Variants in NDE1 observed in about 807,000 individuals in gnomAD.
The protein encoded by NDE1 is nuclear distribution protein nudE homolog 1.
NDE1 carries 28 observed loss-of-function variants against 43.4 expected under a neutral mutation model. The ratio of observed to expected loss-of-function variants is 0.65; its 90% CI spans 0.48 to 0.89. NDE1 has a LOEUF of 0.89. Among genes scored for constraint, NDE1 ranks in the 40% least tolerant of loss-of-function variants. NDE1 has a pLI of 0.00. For missense variants in NDE1, 441 were observed against 434.1 expected (o/e 1.02, Z -0.14); for synonymous variants, 184 against 172.0 (o/e 1.07, Z -0.55).
At position 15,679,281 on chromosome 16, in the gene NDE1, C is replaced by A. The variant is rs867870249; in HGVS notation, c.386+1332C>A. Among the ~76,000 whole-genome samples, 46 of 152,212 alleles carry A rather than the reference C, an allele frequency of 3.0e-4. 1 individual carries two copies. The highest frequency in any genetic ancestry group is 1.2e-3 in the South Asian group (6 of 4,824). On this transcript the variant is annotated intron_variant, in intron 4 of 8. Coordinates refer to ENST00000396354, the MANE Select transcript of NDE1 (RefSeq NM_017668.3). ...AAAGTTCTGGAATTACTGGCATGAGCCACTGCACCCGGCCTCCTCAGAGAG... is the reference window on the plus strand; with the variant it reads ...AAAGTTCTGGAATTACTGGCATGAGACACTGCACCCGGCCTCCTCAGAGAG...
chr16:15,705,954 C>T (rs2039424939), intron 8 of NDE1, among the ~76,000 whole-genome samples: 1 of 124,610 alleles, frequency 8.0e-6, no homozygotes, highest in African/African-American at 3.3e-5. Context: ...CACTGCACTC[C>T]AGCCTAGGCG....
chr16:15,724,046 CCA>C (rs951512748), intron 8 of NDE1, 143 bp from the exon 9 acceptor site: 1 of 1,559,144 alleles, frequency 6.4e-7, no homozygotes. Flanking sequence ...CCATGGCTCC[CCA>C]CAGAGTGGAG....
chr16:15,664,126 C>T (rs532073663), intron 1 of NDE1, among the ~76,000 whole-genome samples: 2 of 151,966 alleles, frequency 1.3e-5, no homozygotes, highest in Admixed American at 6.6e-5. Context: ...CCCACTCCCC[C>T]ACTCCCTCCA....
chr16:15,678,920 CA>C (rs1231671692), intron 4 of NDE1, among the ~76,000 whole-genome samples: 6 of 151,828 alleles, frequency 4.0e-5, no homozygotes, highest in Admixed American at 1.3e-4. Flanking sequence ...ACTAAAAATA[CA>C]AAAAATTAGC....
rs757604577 is a variant in NDE1, at chr16:15,667,311, C to T, written c.109C>T (p.Arg37Ter). The change falls in exon 3 of 9, where the codon CGA becomes TGA. Residue 37 changes from arginine to a stop codon, truncating the protein, a stop_gained. Coordinates refer to ENST00000396354, the MANE Select transcript of NDE1 (RefSeq NM_017668.3). LOFTEE classifies it high-confidence loss of function. ...GGCAGAAAATACGCAAGAGGAACTC[C>T]GAGAATTCCAGGAGGGAAGCCGAGA... ...QRAENTQEEL[R>*]EFQEGSREYE... 12 of 1,613,964 alleles carry T rather than the reference C, an allele frequency of 7.4e-6. No homozygotes were observed. The highest frequency in any genetic ancestry group is 3.3e-5 in the Admixed American group (2 of 59,952).
At chr16:15,694,951 A>C in intron 7 of NDE1, 1 of 965,122 alleles carries the variant, frequency 1.0e-6, no homozygotes, top group Non-Finnish European at 1.2e-6. Flanking sequence ...GTGGGAGATT[A>C]CTTGAGCTCA....
intron 2 of NDE1, among the ~76,000 whole-genome samples, chr16:15,666,087 G>C (rs1467256274): frequency 6.6e-6 from 1 of 152,034 alleles, no homozygotes; most frequent in Non-Finnish European, 1.5e-5. Context: ...GTTTTTATCA[G>C]TTCCTAGATG....
chr16:15,719,374 T>TGACA, intron 8 of NDE1: 5 of 1,558,692 alleles, frequency 3.2e-6, no homozygotes, highest in Non-Finnish European at 4.4e-6. Context: ...GAGTCCACCC[T>TGACA]GACAACTCAG....
chr16:15,716,243 G>C (rs1281601096), intron 8 of NDE1, among the ~76,000 whole-genome samples: 6 of 152,082 alleles, frequency 3.9e-5, no homozygotes, highest in Admixed American at 1.3e-4. Flanking sequence ...TGGGGTTTCT[G>C]TTTGAGCCGA....
chr16:15,714,694 A>G, intron 8 of NDE1: 2 of 636,496 alleles, frequency 3.1e-6, no homozygotes, highest in South Asian at 3.7e-5. Context: ...TAAAGGATCT[A>G]GAAGGTTAGC....
chr16:15,677,706 C>T (rs1167252459), intron 3 of NDE1, 95 bp from the exon 4 acceptor site: 3 of 1,421,098 alleles, frequency 2.1e-6, no homozygotes, highest in Non-Finnish European at 2.9e-6. Context: ...AGTTTAGCCT[C>T]CCGAGTAGCT....
At position 15,707,977 on chromosome 16, in the gene NDE1, AAAG is replaced by A. The variant is rs1473996784; in HGVS notation, c.947+11118_947+11120del. Among the ~76,000 whole-genome samples the A allele has an allele frequency of 1.3e-3, 168 of 131,152 alleles. 1 individual carries two copies. Among genetic ancestry groups the A allele is most frequent in the African/African-American group, 4.4e-3 (158 of 36,054 alleles). 86.0% of individuals were successfully genotyped at this position (131,152 alleles called of 152,430 possible). The stretch of plus-strand genomic sequence containing the variant: ...TCCGTCTCAAAAAAAAAAAAAAAAA[AAAG>A]CAAAATCCCAGAGCAGCAGAGACCT... On this transcript the variant is annotated intron_variant, in intron 8 of 8. Coordinates refer to ENST00000396354, the MANE Select transcript of NDE1 (RefSeq NM_017668.3).
chr16:15,675,765 C>T (rs932635491), intron 3 of NDE1, among the ~76,000 whole-genome samples: 3 of 152,068 alleles, frequency 2.0e-5, no homozygotes, highest in African/African-American at 7.2e-5. Context: ...GAAGCAGAGC[C>T]GGAACAGAAT....
chr16:15,694,241 A>G lies in NDE1; in HGVS notation c.780A>G (p.Leu260=). Residue 260 remains leucine, a synonymous_variant, in exon 7 of 9, where the codon CTA becomes CTG. Transcript: ENST00000396354. The part of the protein sequence containing the change: ...RISALNIVGD[L]LRKVGALESK... ...CAGCCCTCAACATTGTGGGAGACCT[A>G]CTGCGGAAAGTCGGGGTAAGACCAC... 2 of 1,613,768 alleles carry G rather than the reference A, an allele frequency of 1.2e-6. No individual in the cohort carries two copies. Among genetic ancestry groups the G allele is most frequent in the Non-Finnish European group, 1.7e-6 (2 of 1,179,976 alleles).
rs972078880 is a variant in NDE1 at position 15,725,193 on chromosome 16, A to T, written c.*942A>T. ...AAACAGAATCTGTGGCTTGAAGGGA[A>T]CTCCGTCACCTATGAGTTGGGACCC... On this transcript the variant is annotated 3_prime_UTR_variant, in exon 9 of 9. Coordinates refer to ENST00000396354, the MANE Select transcript of NDE1 (RefSeq NM_017668.3). The T allele has an allele frequency of 5.5e-5, 34 of 621,278 alleles. No homozygotes were observed. In the East Asian group the frequency reaches 7.3e-4, roughly 13 times the overall value. 38.5% of individuals were successfully genotyped at this position (621,278 alleles called of 1,614,324 possible).
At position 15,650,296 on chromosome 16, in the gene NDE1, TA is replaced by T; in HGVS notation, c.-44+4del. On this transcript the variant is annotated splice_donor_region_variant and intron_variant, in intron 1 of 8. Coordinates refer to ENST00000396354, the MANE Select transcript of NDE1 (RefSeq NM_017668.3). ...GTTGGCCTCGCCGCCCCTGCTCGGG[TA>T]AGTGAGGCGCTGCGCGGGGCTGGGG... 1 of 304,058 alleles carries T rather than the reference TA, an allele frequency of 3.3e-6. No homozygotes were observed. Among genetic ancestry groups the T allele is most frequent in the South Asian group, 2.4e-5 (1 of 41,514 alleles). 18.8% of individuals were successfully genotyped at this position (304,058 alleles called of 1,614,324 possible).
intron 4 of NDE1, chr16:15,686,336 T>G: frequency 1.3e-5 from 13 of 966,504 alleles, no homozygotes; most frequent in African/African-American, 1.8e-5. Flanking sequence ...GAGAGAAAAC[T>G]GAGGTGCAGA....
chr16:15,720,387 A>T (rs1379017839), intron 8 of NDE1: 29 of 1,539,652 alleles, frequency 1.9e-5, no homozygotes, highest in Non-Finnish European at 2.6e-5. Flanking sequence ...GCAGCACATC[A>T]CTGCACCCCT....
intron 3 of NDE1, among the ~76,000 whole-genome samples, chr16:15,677,389 C>A (rs867554534): frequency 6.6e-6 from 1 of 152,038 alleles, no homozygotes; most frequent in Non-Finnish European, 1.5e-5. Flanking sequence ...AGTTCAAGAC[C>A]AGCCTGGCCA....
Sources: allele counts gnomAD v4.1 joint callset (sites outside exome capture counted in the v4.1 genomes callset), GRCh38; gene constraint gnomAD v4.1.1; transcripts MANE v1.5; gene names NCBI Gene and HGNC (gene_info 2026-07-23, HGNC 2026-07-21).